The following RBMS3 variants were observed in gnomAD, a reference collection of about 807,000 sequenced individuals.
The protein encoded by RBMS3 is RNA binding motif single stranded interacting protein 3.
A neutral mutation model predicts 66.8 loss-of-function variants in RBMS3; 27 were observed. The observed-to-expected ratio is 0.40, with a 90% CI of 0.30 to 0.56. The LOEUF (loss-of-function observed/expected upper bound fraction) is 0.56. Among genes scored for constraint, RBMS3 ranks in the 20% least tolerant of loss-of-function variants. The pLI is 0.40. For missense variants in RBMS3, 513 were observed against 549.5 expected, an observed-to-expected ratio of 0.93 and a Z score of 0.66; for synonymous variants, 188 against 183.0, an observed-to-expected ratio of 1.03 and a Z score of -0.22.
chr3:29,653,730 G>A (rs2050222096), intron 4 of RBMS3, among the ~76,000 whole-genome samples: 1 of 152,070 alleles, frequency 6.6e-6, no homozygotes, highest in Non-Finnish European at 1.5e-5. Flanking sequence ...CAGCCCTACA[G>A]CGATTCCTCC....
At chr3:29,853,468 T>C (rs2058992101) in intron 6 of RBMS3, among the ~76,000 whole-genome samples, 1 of 133,016 alleles carries the variant, frequency 7.5e-6, no homozygotes, top group African/African-American at 2.9e-5. Context: ...TTTAATAGAG[T>C]GAAAACAGAG....
At chr3:29,887,825 T>G (rs1458277639) in intron 8 of RBMS3, among the ~76,000 whole-genome samples, 8 of 151,812 alleles carry the variant, frequency 5.3e-5, no homozygotes, top group Non-Finnish European at 1.0e-4. Flanking sequence ...TCAGTCATTC[T>G]CTAATGCGCA....
chr3:29,478,142 C>T (rs919093820), intron 2 of RBMS3, among the ~76,000 whole-genome samples: 1 of 152,168 alleles, frequency 6.6e-6, no homozygotes, highest in East Asian at 1.9e-4. Flanking sequence ...ACCTCATTAG[C>T]AACATATAAC....
At chr3:29,332,910 A>G (rs746490193) in intron 1 of RBMS3, among the ~76,000 whole-genome samples, 1 of 152,150 alleles carries the variant, frequency 6.6e-6, no homozygotes, top group Non-Finnish European at 1.5e-5. Context: ...ATAATTAAAT[A>G]ATGGCATTAT....
rs151301540 is a variant in RBMS3, at chr3:29,835,434, T to A, written c.638-33424T>A. The stretch of plus-strand genomic sequence containing the variant: ...AAGATTGTAATCATATTAAGCATAT[T>A]TCTGACCCACAGTAGTATAAAACTA... On this transcript the variant is annotated intron_variant, in intron 6 of 14. Transcript: ENST00000383767. Among the ~76,000 whole-genome samples the A allele has an allele frequency of 4.1e-4, 62 of 152,124 alleles. No individual in the cohort carries two copies. In the East Asian group the frequency reaches 0.011, roughly 26 times the overall value.
chr3:29,900,602 GC>G (rs2060229390), intron 10 of RBMS3, among the ~76,000 whole-genome samples: 3 of 151,682 alleles, frequency 2.0e-5, no homozygotes, highest in African/African-American at 7.3e-5. Context: ...AGGGGAAAGA[GC>G]CCTAGACTGG....
intron 10 of RBMS3, among the ~76,000 whole-genome samples, chr3:29,922,479 G>A (rs2060813735): frequency 7.6e-6 from 1 of 131,726 alleles, no homozygotes; most frequent in Non-Finnish European, 1.6e-5. Context: ...GGGCGACAGA[G>A]CGAGACTCCG....
intron 5 of RBMS3, among the ~76,000 whole-genome samples, chr3:29,757,062 G>A (rs2055449137): frequency 6.6e-6 from 1 of 152,166 alleles, no homozygotes; most frequent in South Asian, 2.1e-4. Flanking sequence ...GTTCTTGGAA[G>A]TCAGAGAGGG....
chr3:29,780,635 C>T (rs556131298), intron 6 of RBMS3, among the ~76,000 whole-genome samples: 1 of 152,056 alleles, frequency 6.6e-6, no homozygotes, highest in African/African-American at 2.4e-5. Flanking sequence ...TTCCCAAAAA[C>T]CAGTATCCTA....
intron 4 of RBMS3, among the ~76,000 whole-genome samples, chr3:29,649,845 A>C (rs2050079058): frequency 6.6e-6 from 1 of 152,240 alleles, no homozygotes; most frequent in Admixed American, 6.5e-5. Flanking sequence ...GGAGATACTC[A>C]GTATTGTCTC....
chr3:29,462,030 C>G (rs906860830), intron 2 of RBMS3, among the ~76,000 whole-genome samples: 5 of 147,744 alleles, frequency 3.4e-5, no homozygotes, highest in Admixed American at 7.0e-5. Flanking sequence ...CCCGTCTCAG[C>G]TTCCCAAAGT....
intron 3 of RBMS3, among the ~76,000 whole-genome samples, chr3:29,517,574 C>T (rs779126101): frequency 4.6e-5 from 7 of 152,162 alleles, no homozygotes; most frequent in East Asian, 1.9e-4. Flanking sequence ...CCGCCTTCCT[C>T]GGCCTCCCGA....
intron 1 of RBMS3, among the ~76,000 whole-genome samples, chr3:29,304,098 G>A (rs111999261): frequency 0.038 from 5,836 of 151,978 alleles, 157 homozygotes; most frequent in South Asian, 0.058. Context: ...TTTCAGTGGG[G>A]ACACAGAGCC....
intron 3 of RBMS3, among the ~76,000 whole-genome samples, chr3:29,569,664 G>T (rs2046875188): frequency 6.6e-6 from 1 of 151,886 alleles, no homozygotes; most frequent in South Asian, 2.1e-4. Flanking sequence ...GATCTAACTG[G>T]CTTCTGATAT....
At chr3:29,423,302 A>G (rs1425032615) in intron 1 of RBMS3, among the ~76,000 whole-genome samples, 1 of 152,232 alleles carries the variant, frequency 6.6e-6, no homozygotes, top group Non-Finnish European at 1.5e-5. Flanking sequence ...TTTACAATTT[A>G]GATGAAAGTT....
At chr3:29,500,066 CT>C (rs766636744) in intron 3 of RBMS3, among the ~76,000 whole-genome samples, 175 of 108,192 alleles carry the variant, frequency 1.6e-3, no homozygotes, top group East Asian at 8.0e-3. Context: ...GAAGGATTTT[CT>C]TTTTTTTTTT....
chr3:29,945,553 C>T (rs994587530), intron 12 of RBMS3, among the ~76,000 whole-genome samples: 1 of 151,350 alleles, frequency 6.6e-6, no homozygotes, highest in African/African-American at 2.4e-5. Flanking sequence ...GATTTAGGGC[C>T]CCTGGGAAGA....
At chr3:29,968,184 G>A (rs532106377) in intron 12 of RBMS3, among the ~76,000 whole-genome samples, 2 of 149,356 alleles carry the variant, frequency 1.3e-5, no homozygotes, top group African/African-American at 4.8e-5. Flanking sequence ...TCACTCCCAC[G>A]GCTGCCCACC....
chr3:29,756,109 A>G (rs908390118), intron 5 of RBMS3, among the ~76,000 whole-genome samples: 3 of 152,194 alleles, frequency 2.0e-5, no homozygotes, highest in Non-Finnish European at 4.4e-5. Context: ...ACTCTGTTCC[A>G]TGGTTGCTGT....
Sources: gnomAD v4.1 joint callset for allele counts (sites outside exome capture counted in the v4.1 genomes callset) on GRCh38, gnomAD v4.1.1 for gene constraint, MANE v1.5 for transcripts, NCBI Gene and HGNC (gene_info 2026-07-23, HGNC 2026-07-21) for gene names.